POLR3F: variants seen among roughly 807,000 people sequenced by gnomAD.
POLR3F encodes DNA-directed RNA polymerase III subunit RPC6.
In POLR3F, 31 loss-of-function variants were observed where a neutral mutation model predicts 43.6. That is an observed-to-expected ratio of 0.71 (90% CI 0.53 to 0.96). The LOEUF (loss-of-function observed/expected upper bound fraction) is 0.96. POLR3F is among the 40% of genes least tolerant of loss of function. The probability of loss-of-function intolerance (pLI) is 0.00; values close to 1 mark genes in which losing one functional copy is unlikely to be tolerated. For missense variants in POLR3F, 316 were observed against 391.7 expected (o/e 0.81, Z 1.63); for synonymous variants, 114 against 132.5 (o/e 0.86, Z 0.96).
chr20:18,477,081 GA>G (rs200618300), intron 5 of POLR3F, among the ~76,000 whole-genome samples: 13,996 of 91,168 alleles, frequency 0.15, 784 homozygotes, highest in East Asian at 0.35. Context: ...CTCAAAAAAA[GA>G]AAAAAAAAAA....
Position 18,483,542 on chromosome 20 carries a change from A to T in POLR3F, c.935A>T (p.Glu312Val). 1 of 1,495,952 alleles carries T rather than the reference A, an allele frequency of 6.7e-7. No homozygotes were observed. Among genetic ancestry groups the T allele is most frequent in the African/African-American group, 1.4e-5 (1 of 71,772 alleles). The allele number at this position is 1,495,952 out of a possible 1,614,324, so 92.7% of individuals were successfully genotyped here. Residue 312 changes from glutamate (E) to valine (V), a missense_variant, in exon 9 of 9, where the codon GAG becomes GTG. Glu to Val is a moderately radical substitution (Grantham distance 121). Coordinates refer to ENST00000377603, the MANE Select transcript of POLR3F (RefSeq NM_006466.4). Reference sequence around the variant, plus strand: ...CCATCTAACTGTATTTACATGACAGAGTGGCTCGAATTTTAATAGAGAGCT... The same window carrying T: ...CCATCTAACTGTATTTACATGACAGTGTGGCTCGAATTTTAATAGAGAGCT... ...ISPSNCIYMT[E>V]WLEF is the part of the protein sequence containing the mutation.
chr20:18,483,103 C>T (rs766910499), intron 8 of POLR3F, among the ~76,000 whole-genome samples: 3 of 151,978 alleles, frequency 2.0e-5, no homozygotes, highest in Non-Finnish European at 4.4e-5. Flanking sequence ...GTCTTGCTGT[C>T]GCCCAGGCTG....
At chr20:18,473,743 T>G (rs563875978) in intron 4 of POLR3F, among the ~76,000 whole-genome samples, 2 of 151,794 alleles carry the variant, frequency 1.3e-5, no homozygotes, top group East Asian at 3.9e-4. Context: ...AAATTTAAGT[T>G]TTTTTTTTAA....
chr20:18,469,029 C>A lies in POLR3F; in HGVS notation c.148C>A (p.Arg50=), dbSNP rs756434857. 6.3e-7 allele frequency: 1 copy of A among 1,577,744 alleles called. No individual in the cohort carries two copies. The highest frequency in any genetic ancestry group is 8.7e-7 in the Non-Finnish European group (1 of 1,146,714). The change falls in exon 2 of 9, where the codon CGG becomes AGG. Residue 50 remains arginine (R), a synonymous_variant. Coordinates refer to ENST00000377603, the MANE Select transcript of POLR3F (RefSeq NM_006466.4). ...AATGCCTCATATAGAAGCCCAGCAG[C>A]GGGCAGTAGCCATCAATAGGTTGTT... is the stretch of plus-strand genomic sequence containing the variant. The part of the protein sequence containing the change: ...NEMPHIEAQQ[R]AVAINRLLSM...
chr20:18,474,357 C>G (rs994334099), intron 4 of POLR3F, among the ~76,000 whole-genome samples: 1 of 151,802 alleles, frequency 6.6e-6, no homozygotes, highest in African/African-American at 2.4e-5. Context: ...GTGTTTTTGT[C>G]CCACTTGAGG....
At chr20:18,480,215 C>T (rs2059802762) in intron 6 of POLR3F, 34 bp downstream of exon 6, 4 of 1,568,526 alleles carry the variant, frequency 2.6e-6, no homozygotes, top group Non-Finnish European at 2.6e-6. Context: ...CACTGCAAAC[C>T]CTCTTGTAAA....
rs765179415 is a variant in POLR3F, at chr20:18,480,492, G to A, written c.664G>A (p.Glu222Lys). ...ACATGAAGTGTGGAAATATATCTGC[G>A]AATTGGGAATCAGTAAGGTCAGAAC... ...SSHEVWKYICELGISKVELSM... is the reference protein window; with the variant it reads ...SSHEVWKYICKLGISKVELSM... Residue 222 changes from glutamate to lysine, a missense_variant, in exon 7 of 9, where the codon GAA becomes AAA. Physicochemically the swap from Glu to Lys is moderately conservative, Grantham distance 56. This residue lies in a region of POLR3F where 109 missense variants were observed against 177.7 expected (regional missense o/e 0.61). Coordinates refer to ENST00000377603, the MANE Select transcript of POLR3F (RefSeq NM_006466.4). 1.2e-5 allele frequency: 19 copies of A among 1,584,500 alleles called. No homozygotes were observed. The Middle Eastern group carries it at 5.0e-4, about 42-fold the overall frequency.
intron 5 of POLR3F, among the ~76,000 whole-genome samples, chr20:18,477,737 C>G (rs1208741534): frequency 1.3e-5 from 2 of 152,140 alleles, no homozygotes; most frequent in African/African-American, 4.8e-5. Context: ...AAAGGCAAAA[C>G]TAGACAGACT....
intron 3 of POLR3F, 184 bp downstream of exon 3, chr20:18,473,093 T>A (rs1031442493): frequency 1.6e-5 from 6 of 379,064 alleles, no homozygotes; most frequent in Non-Finnish European, 1.9e-5. Flanking sequence ...CTTCTAGCTA[T>A]ATATAAATAC....
intron 5 of POLR3F, among the ~76,000 whole-genome samples, chr20:18,478,809 A>T (rs2059793915): frequency 2.0e-5 from 3 of 152,178 alleles, no homozygotes; most frequent in Admixed American, 2.0e-4. Context: ...CTAGTGCCCA[A>T]GTCGTGGTTT....
intron 3 of POLR3F, 65 bp from the exon 4 acceptor site, chr20:18,473,326 G>C: frequency 1.4e-6 from 1 of 706,938 alleles, no homozygotes; most frequent in South Asian, 1.7e-5. Flanking sequence ...TGTTTAAGTA[G>C]TGATGTAGAT....
chr20:18,468,092 T>C, intron 1 of POLR3F, among the ~76,000 whole-genome samples: 1 of 152,158 alleles, frequency 6.6e-6, no homozygotes, highest in South Asian at 2.1e-4. Flanking sequence ...ATTTGTTTGT[T>C]TGTGAGACAG....
chr20:18,471,522 G>A (rs2059751045), intron 2 of POLR3F, among the ~76,000 whole-genome samples: 1 of 152,142 alleles, frequency 6.6e-6, no homozygotes, highest in Admixed American at 6.5e-5. Flanking sequence ...ATAACACCTG[G>A]CACAGTACAA....
chr20:18,469,629 C>T (rs942001966), intron 2 of POLR3F, among the ~76,000 whole-genome samples: 1 of 151,980 alleles, frequency 6.6e-6, no homozygotes. Context: ...AGTCATAAAA[C>T]GAGAAAGTGT....
At chr20:18,481,261 G>T (rs1459849309) in intron 7 of POLR3F, among the ~76,000 whole-genome samples, 1 of 151,894 alleles carries the variant, frequency 6.6e-6, no homozygotes, top group Admixed American at 6.6e-5. Flanking sequence ...ATTTATTTGA[G>T]ATGGAGTTTG....
chr20:18,477,811 T>C (rs1278052203), intron 5 of POLR3F, among the ~76,000 whole-genome samples: 8 of 152,148 alleles, frequency 5.3e-5, no homozygotes, highest in Admixed American at 4.6e-4. Flanking sequence ...TGAGAAATAT[T>C]TCTAGGGTGG....
chr20:18,478,564 G>A (rs2145229), intron 5 of POLR3F, among the ~76,000 whole-genome samples: 150,974 of 152,300 alleles, frequency 0.99, 74,832 homozygotes, highest in East Asian at 1. Context: ...TCAGTGTTGG[G>A]GTGAGTAGTT....
chr20:18,481,983 C>CTTTT lies in POLR3F; in HGVS notation c.873+192_873+195dup, dbSNP rs56160449. Among the ~76,000 whole-genome samples the CTTTT allele has an allele frequency of 1.7e-3, 127 of 74,326 alleles. 1 individual carries two copies. The highest frequency in any genetic ancestry group is 0.019 in the Middle Eastern group (2 of 106). The allele number at this position is 74,326 out of a possible 152,430, so 48.8% of individuals were successfully genotyped here. ...CTTTAATGAACACATCATTCCTTTA[C>CTTTT]TTTTTTTTTTTTTTTTTTTTTTGAG... On this transcript the variant is annotated intron_variant, in intron 8 of 8. Transcript: ENST00000377603.
intron 2 of POLR3F, among the ~76,000 whole-genome samples, chr20:18,470,965 T>C (rs2148861217): frequency 6.6e-6 from 1 of 152,320 alleles, no homozygotes; most frequent in Non-Finnish European, 1.5e-5. Context: ...AGTAGCATCT[T>C]AACTGGTTTC....
Sources: allele counts gnomAD v4.1 joint callset (sites outside exome capture counted in the v4.1 genomes callset), GRCh38; gene constraint gnomAD v4.1.1; regional missense constraint gnomAD v4.1.1; transcripts MANE v1.5; gene names NCBI Gene and HGNC (gene_info 2026-07-23, HGNC 2026-07-21).